Variants in TBC1D22B observed in about 807,000 individuals in gnomAD.
The protein encoded by TBC1D22B is chromosome 6 open reading frame 197.
A neutral mutation model predicts 69.1 loss-of-function variants in TBC1D22B; 32 were observed. That is an observed-to-expected ratio of 0.46 (90% CI 0.35 to 0.62). The LOEUF (loss-of-function observed/expected upper bound fraction) is 0.62. Ranked by LOEUF, TBC1D22B falls within the 20% of genes least tolerant of loss-of-function variation. The pLI is 0.00. For synonymous variants in TBC1D22B, 206 were observed against 229.8 expected (o/e 0.90, Z 0.94); for missense variants, 462 against 630.9 (o/e 0.73, Z 2.87).
intron 8 of TBC1D22B, among the ~76,000 whole-genome samples, chr6:37,311,542 A>G (rs1044271252): frequency 1.4e-4 from 21 of 151,952 alleles, no homozygotes; most frequent in African/African-American, 4.6e-4. Flanking sequence ...GCGTGGTTGT[A>G]TGCACCTGTA....
At chr6:37,296,658 C>A (rs73421942) in intron 8 of TBC1D22B, among the ~76,000 whole-genome samples, 1 of 151,828 alleles carries the variant, frequency 6.6e-6, no homozygotes, top group Non-Finnish European at 1.5e-5. Context: ...CCTAGTCTTA[C>A]CACCTCTCTC....
At chr6:37,271,597 A>G (rs1766483361) in intron 2 of TBC1D22B, among the ~76,000 whole-genome samples, 1 of 152,178 alleles carries the variant, frequency 6.6e-6, no homozygotes, top group Non-Finnish European at 1.5e-5. Context: ...AAATATATAA[A>G]TAAAGTGGTT....
intron 8 of TBC1D22B, among the ~76,000 whole-genome samples, chr6:37,292,001 G>C (rs956206190): frequency 1.3e-5 from 2 of 152,188 alleles, no homozygotes; most frequent in Non-Finnish European, 2.9e-5. Context: ...GTGTTTCTCT[G>C]TTTTGGTTTC....
chr6:37,298,941 A>G (rs547265858), intron 8 of TBC1D22B, among the ~76,000 whole-genome samples: 1 of 152,234 alleles, frequency 6.6e-6, no homozygotes, highest in African/African-American at 2.4e-5. Context: ...TATTTCTCTG[A>G]AAGAGTCCTA....
At chr6:37,320,505 C>T (rs756690657) in intron 12 of TBC1D22B, among the ~76,000 whole-genome samples, 1 of 152,104 alleles carries the variant, frequency 6.6e-6, no homozygotes, top group African/African-American at 2.4e-5. Context: ...AGTGTATTCA[C>T]GAGTCCTGGA....
chr6:37,285,315 C>CTTCT (rs1766969513), intron 6 of TBC1D22B, among the ~76,000 whole-genome samples: 1 of 73,552 alleles, frequency 1.4e-5, no homozygotes, highest in South Asian at 6.1e-4. Flanking sequence ...TCCTTCCCCA[C>CTTCT]TTTTTTTTTT....
At chr6:37,282,078 G>GCCACA (rs1002570399) in intron 3 of TBC1D22B, 107 bp from the exon 4 acceptor site, 3 of 1,311,512 alleles carry the variant, frequency 2.3e-6, no homozygotes, top group Middle Eastern at 1.9e-4. Flanking sequence ...CACACAGGCA[G>GCCACA]CCACACCCTT....
intron 1 of TBC1D22B, among the ~76,000 whole-genome samples, chr6:37,261,212 G>A (rs1246436604): frequency 1.3e-5 from 2 of 151,850 alleles, no homozygotes; most frequent in East Asian, 1.9e-4. Context: ...CAGGTGGATC[G>A]CTTGAGGCCA....
At chr6:37,313,746 G>C (rs1767996610) in intron 9 of TBC1D22B, 70 bp from the exon 10 acceptor site, 1 of 1,446,414 alleles carries the variant, frequency 6.9e-7, no homozygotes, top group Non-Finnish European at 9.7e-7. Flanking sequence ...TTCTAAACGT[G>C]TTTCAGTGAA....
At chr6:37,303,246 T>C (rs1325072582) in intron 8 of TBC1D22B, among the ~76,000 whole-genome samples, 2 of 152,206 alleles carry the variant, frequency 1.3e-5, no homozygotes, top group Admixed American at 1.3e-4. Context: ...CAATCTTTGC[T>C]ATTCTTAGGC....
At chr6:37,267,089 A>G (rs1303013980) in intron 1 of TBC1D22B, among the ~76,000 whole-genome samples, 1 of 150,398 alleles carries the variant, frequency 6.6e-6, no homozygotes, top group Non-Finnish European at 1.5e-5. Flanking sequence ...AGCATGCACC[A>G]CCACAGTTGG....
intron 10 of TBC1D22B, among the ~76,000 whole-genome samples, chr6:37,315,640 G>A (rs1362404776): frequency 1.3e-5 from 2 of 150,134 alleles, no homozygotes; most frequent in Admixed American, 6.6e-5. Context: ...GCACTGGTGC[G>A]ATCTTGGCTC....
At chr6:37,327,738 G>T (rs6923752) in intron 12 of TBC1D22B, among the ~76,000 whole-genome samples, 1 of 152,016 alleles carries the variant, frequency 6.6e-6, no homozygotes, top group South Asian at 2.1e-4. Flanking sequence ...GTGAATTTCC[G>T]TAATCATGTG....
chr6:37,328,473 A>G (rs1395645125), intron 12 of TBC1D22B, among the ~76,000 whole-genome samples: 2 of 152,240 alleles, frequency 1.3e-5, no homozygotes, highest in African/African-American at 4.8e-5. Flanking sequence ...TTAAATGCTC[A>G]AAACAGGAGG....
At chr6:37,259,138 G>A (rs184881880) in intron 1 of TBC1D22B, among the ~76,000 whole-genome samples, 3 of 151,844 alleles carry the variant, frequency 2.0e-5, no homozygotes, top group South Asian at 4.2e-4. Flanking sequence ...GATTACAGGC[G>A]TTAGCCACCA....
chr6:37,318,247 T>A (rs1323788980), intron 12 of TBC1D22B, among the ~76,000 whole-genome samples: 2 of 152,160 alleles, frequency 1.3e-5, no homozygotes, highest in Non-Finnish European at 2.9e-5. Context: ...TGGATCTGTT[T>A]AGTAAGTAGA....
In TBC1D22B at chr6:37,269,591, T is replaced by A. The variant is rs1766416498; in HGVS notation, c.57-3T>A. ...TATTTCTTCCTTTTGTTTTTGCTTT[T>A]AGCATTCAGCCTGTATATGGAGCAC... On this transcript the variant is annotated splice_polypyrimidine_tract_variant and splice_region_variant and intron_variant, in intron 1 of 12. Transcript: ENST00000373491. The A allele has an allele frequency of 6.2e-7, 1 of 1,614,018 alleles. No individual in the cohort carries two copies. The highest frequency in any genetic ancestry group is 1.1e-5 in the South Asian group (1 of 91,080).
At chr6:37,321,108 T>C (rs533459057) in intron 12 of TBC1D22B, among the ~76,000 whole-genome samples, 2 of 152,302 alleles carry the variant, frequency 1.3e-5, no homozygotes, top group South Asian at 4.2e-4. Flanking sequence ...ATTCTAAATG[T>C]TTTCCTGTGT....
chr6:37,264,287 G>T (rs1297476171), intron 1 of TBC1D22B, among the ~76,000 whole-genome samples: 1 of 151,982 alleles, frequency 6.6e-6, no homozygotes, highest in African/African-American at 2.4e-5. Flanking sequence ...GGAGGGAGGG[G>T]TATGCCAGGG....
Sources: allele counts gnomAD v4.1 joint callset (sites outside exome capture counted in the v4.1 genomes callset), GRCh38; gene constraint gnomAD v4.1.1; transcripts MANE v1.5; gene names NCBI Gene and HGNC (gene_info 2026-07-23, HGNC 2026-07-21).